Variants in NT5C3A observed in about 807,000 individuals in gnomAD.
The protein encoded by NT5C3A is cytosolic 5'-nucleotidase 3A.
NT5C3A carries 23 observed loss-of-function variants against 40.0 expected under a neutral mutation model. That is an observed-to-expected ratio of 0.58 (90% CI 0.41 to 0.81). NT5C3A has a LOEUF of 0.81. NT5C3A is among the 40% of genes least tolerant of loss of function. NT5C3A has a pLI of 0.00. For missense variants in NT5C3A, 328 were observed against 403.0 expected (o/e 0.81, Z 1.59); for synonymous variants, 130 against 141.4 (o/e 0.92, Z 0.57).
intron 1 of NT5C3A, among the ~76,000 whole-genome samples, chr7:33,038,543 T>C (rs1279744695): frequency 3.3e-5 from 5 of 151,660 alleles, no homozygotes; most frequent in South Asian, 2.1e-4. Context: ...ATGAATACTA[T>C]GCAAATTTCA....
rs1189677566 is a variant in NT5C3A, at chr7:33,019,668, T to C, written c.497A>G (p.Lys166Arg). 1 of 1,610,086 alleles carries C rather than the reference T, an allele frequency of 6.2e-7. No homozygotes were observed. Among genetic ancestry groups the C allele is most frequent in the Admixed American group, 1.7e-5 (1 of 59,996 alleles). The change falls in exon 6 of 9, where the codon AAA (lysine) becomes AGA (arginine). Residue 166 changes from lysine (K) to arginine (R), a missense_variant. By Grantham distance (26) the Lys-to-Arg change is conservative (BLOSUM62 2). Around this residue, in one of 3 missense-constraint regions of NT5C3A, gnomAD observed 280 missense variants for 317.2 expected, o/e 0.88. Coordinates refer to ENST00000610140, the MANE Select transcript of NT5C3A (RefSeq NM_001002010.5). ...AACGTCAGATTCTGCCACAATTTCTTTAAGTTTAGCTTTTGGTAAAGCTTG... is the reference window on the plus strand; with the variant it reads ...AACGTCAGATTCTGCCACAATTTCTCTAAGTTTAGCTTTTGGTAAAGCTTG... ...VQQALPKAKL[K>R]EIVAESDVML...
At chr7:33,029,631 C>T (rs2066735301) in intron 1 of NT5C3A, 3 of 1,287,828 alleles carry the variant, frequency 2.3e-6, no homozygotes, top group Non-Finnish European at 2.0e-6. Context: ...TGTCTTACCT[C>T]AGGCAAATCA....
intron 1 of NT5C3A, among the ~76,000 whole-genome samples, chr7:33,049,831 G>A (rs1051527867): frequency 1.3e-5 from 2 of 151,740 alleles, no homozygotes; most frequent in African/African-American, 2.4e-5. Context: ...TTAGCCAGGC[G>A]TGGTGGCAGG....
intron 1 of NT5C3A, among the ~76,000 whole-genome samples, chr7:33,055,831 G>A (rs28473079): frequency 0.021 from 3,246 of 152,284 alleles, 61 homozygotes; most frequent in Non-Finnish European, 0.031. Context: ...AAAGAGACCA[G>A]CTAGTCAGGT....
At chr7:33,060,120 A>G (rs1254259177) in intron 1 of NT5C3A, among the ~76,000 whole-genome samples, 1 of 152,002 alleles carries the variant, frequency 6.6e-6, no homozygotes, top group East Asian at 1.9e-4. Context: ...CACTGGCTAA[A>G]ATCTTTATTT....
chr7:33,047,142 T>C, intron 1 of NT5C3A, among the ~76,000 whole-genome samples: 1 of 152,196 alleles, frequency 6.6e-6, no homozygotes, highest in Non-Finnish European at 1.5e-5. Context: ...GTTTTAATTT[T>C]GGACTCCTTC....
intron 1 of NT5C3A, among the ~76,000 whole-genome samples, chr7:33,048,706 T>C (rs1419937045): frequency 6.6e-6 from 1 of 152,228 alleles, no homozygotes; most frequent in Non-Finnish European, 1.5e-5. Context: ...CTCCAATGAT[T>C]ATGGCAGGCA....
At chr7:33,036,681 A>C (rs2128006242) in intron 1 of NT5C3A, among the ~76,000 whole-genome samples, 1 of 152,346 alleles carries the variant, frequency 6.6e-6, no homozygotes, top group East Asian at 1.9e-4. Context: ...GTTTGTGGGA[A>C]AATTATGCAT....
intron 1 of NT5C3A, among the ~76,000 whole-genome samples, chr7:33,042,552 T>A (rs1276327270): frequency 6.6e-6 from 1 of 152,188 alleles, no homozygotes; most frequent in African/African-American, 2.4e-5. Flanking sequence ...GTATTATGTA[T>A]GAAAATGATG....
chr7:33,061,428 C>T (rs1583979541), intron 1 of NT5C3A, among the ~76,000 whole-genome samples: 2 of 152,168 alleles, frequency 1.3e-5, no homozygotes, highest in East Asian at 3.9e-4. Context: ...CGCTATGTTT[C>T]CCAGGCTGGA....
intron 1 of NT5C3A, among the ~76,000 whole-genome samples, chr7:33,047,198 T>C (rs1388371226): frequency 1.3e-5 from 2 of 152,140 alleles, no homozygotes; most frequent in African/African-American, 4.8e-5. Context: ...AAACAAACAA[T>C]ATTGTTTAAG....
intron 3 of NT5C3A, among the ~76,000 whole-genome samples, chr7:33,023,445 G>T (rs902188103): frequency 6.6e-6 from 1 of 152,024 alleles, no homozygotes; most frequent in Non-Finnish European, 1.5e-5. Flanking sequence ...TTTTAGTAGA[G>T]ACAGGGTTTC....
chr7:33,054,350 C>A (rs1241034730), intron 1 of NT5C3A, among the ~76,000 whole-genome samples: 4 of 91,892 alleles, frequency 4.4e-5, no homozygotes, highest in Non-Finnish European at 6.1e-5. Context: ...TAAGACCCTG[C>A]CTCAAAAAAA....
chr7:33,045,172 A>C (rs1313931834), intron 1 of NT5C3A, among the ~76,000 whole-genome samples: 1 of 152,254 alleles, frequency 6.6e-6, no homozygotes, highest in Admixed American at 6.5e-5. Flanking sequence ...ATGAGATGCA[A>C]TAGTCTCTAT....
chr7:33,015,777 C>G lies in NT5C3A; in HGVS notation c.787G>C (p.Asp263His). 6.2e-7 allele frequency: 1 copy of G among 1,609,328 alleles called. No homozygotes were observed. The highest frequency in any genetic ancestry group is 2.2e-5 in the East Asian group (1 of 44,838). ...CCCAGAAGAATTATGTTACTATTGT[C>G]TTTTAGTTGATTGAAATATTCTGTA... The part of the protein sequence containing the change: ...RNTEYFNQLK[D>H]NSNIILLGDS... Residue 263 changes from aspartate (D) to histidine (H), a missense_variant, in exon 8 of 9, where the codon GAC (aspartate) becomes CAC (histidine). Physicochemically the swap from Asp to His is moderately conservative, Grantham distance 81. This residue lies in a region of NT5C3A where 12 missense variants were observed against 34.7 expected (regional missense o/e 0.35). Transcript: ENST00000610140.
intron 1 of NT5C3A, among the ~76,000 whole-genome samples, chr7:33,030,549 T>C (rs1786189596): frequency 6.6e-6 from 1 of 152,202 alleles, no homozygotes; most frequent in African/African-American, 2.4e-5. Flanking sequence ...ATTCATTTTA[T>C]GGTAAAGCCG....
intron 1 of NT5C3A, chr7:33,036,088 A>C: frequency 1.1e-6 from 1 of 896,310 alleles, no homozygotes; most frequent in Non-Finnish European, 1.8e-6. Flanking sequence ...TAATATATTA[A>C]GGTGGAATTT....
At chr7:33,043,420 G>A (rs567153833) in intron 1 of NT5C3A, among the ~76,000 whole-genome samples, 7 of 152,208 alleles carry the variant, frequency 4.6e-5, no homozygotes, top group African/African-American at 1.7e-4. Context: ...TGTTAAAAAC[G>A]TCATAGGAGT....
intron 1 of NT5C3A, among the ~76,000 whole-genome samples, chr7:33,043,180 C>T (rs935330218): frequency 1.3e-5 from 2 of 152,194 alleles, no homozygotes; most frequent in African/African-American, 2.4e-5. Context: ...CAGATCACTG[C>T]ACAGTACTGC....
Sources: gnomAD v4.1 joint callset for allele counts (sites outside exome capture counted in the v4.1 genomes callset) on GRCh38, gnomAD v4.1.1 for gene constraint, gnomAD v4.1.1 regional missense constraint, MANE v1.5 for transcripts, NCBI Gene and HGNC (gene_info 2026-07-23, HGNC 2026-07-21) for gene names.